Variants in ITGA7 observed in about 807,000 individuals in gnomAD.
ITGA7 encodes integrin subunit alpha 7, also known as integrin alpha-7.
Under a neutral mutation model 131.6 loss-of-function variants are expected in ITGA7, and 84 were observed. The ratio of observed to expected loss-of-function variants is 0.64; its 90% CI spans 0.54 to 0.77. The LOEUF (loss-of-function observed/expected upper bound fraction) is 0.77. ITGA7 is among the 30% of genes least tolerant of loss of function. The pLI is 0.00. For missense variants in ITGA7, 1,399 were observed against 1,482.9 expected, an observed-to-expected ratio of 0.94 and a Z score of 0.93; for synonymous variants, 548 against 600.7, an observed-to-expected ratio of 0.91 and a Z score of 1.28.
chr12:55,702,473 C>T (rs1362667735), intron 3 of ITGA7, among the ~76,000 whole-genome samples: 5 of 152,244 alleles, frequency 3.3e-5, no homozygotes, highest in Non-Finnish European at 2.9e-5. Flanking sequence ...CGGCCACGCC[C>T]GGCTAATTTT....
At chr12:55,714,959 C>A (rs980964246), upstream of ITGA7, among the ~76,000 whole-genome samples, 5 of 147,978 alleles carry the variant, frequency 3.4e-5, no homozygotes, top group Non-Finnish European at 7.4e-5. Context: ...CTCCCAGGTT[C>A]AAGCGATTCT....
At position 55,688,911 on chromosome 12, in the gene ITGA7, A is replaced by G; in HGVS notation, c.2891T>C (p.Leu964Pro). Residue 964 changes from leucine to proline, a missense_variant, in exon 22 of 25, where the codon CTC becomes CCC. By Grantham distance (98) the Leu-to-Pro change is moderately conservative. Coordinates refer to ENST00000257879, the MANE Select transcript of ITGA7 (RefSeq NM_002206.3). ...CACAGCCGCGCGGTCAAAGCTGTAG[A>G]GTGGGCAGCTGAACACCACACAGTT... is the stretch of plus-strand genomic sequence containing the variant. ...TANCVVFSCP[L>P]YSFDRAAVLH... The G allele has an allele frequency of 6.2e-7, 1 of 1,614,020 alleles. No homozygotes were observed. The highest frequency in any genetic ancestry group is 8.5e-7 in the Non-Finnish European group (1 of 1,179,982).
chr12:55,705,032 A>G (rs1874880956), intron 1 of ITGA7, among the ~76,000 whole-genome samples: 1 of 152,140 alleles, frequency 6.6e-6, no homozygotes, highest in African/African-American at 2.4e-5. Flanking sequence ...CATTTTGTGG[A>G]CTCATAGAGA....
At chr12:55,703,311 G>T in intron 1 of ITGA7, 133 bp from the exon 2 acceptor site, 1 of 1,015,734 alleles carries the variant, frequency 9.8e-7, no homozygotes, top group Non-Finnish European at 1.4e-6. Flanking sequence ...AGGGGCAAAT[G>T]TCAGTTTTCT....
At position 55,697,736 on chromosome 12, in the gene ITGA7, G is replaced by A. The variant is rs978362914; in HGVS notation, c.1368C>T (p.Asp456=). 2 of 1,614,026 alleles carry A rather than the reference G, an allele frequency of 1.2e-6. No homozygotes were observed. Among genetic ancestry groups the A allele is most frequent in the Non-Finnish European group, 1.7e-6 (2 of 1,180,012 alleles). The change falls in exon 9 of 25, where the codon GAC becomes GAT. Residue 456 remains aspartate, a synonymous_variant. Transcript: ENST00000257879. ...SLDMDGNQYP[D]LLVGSLADTA... ...TGTCAGCCAGGGAGCCCACCAGCAG[G>A]TCAGGGTATTGGTTCCCATCCATAT...
intron 24 of ITGA7, 40 bp downstream of exon 24, chr12:55,687,931 C>T (rs1168789215): frequency 6.2e-7 from 1 of 1,613,472 alleles, no homozygotes. Flanking sequence ...CTCACCCAAC[C>T]AGGAAGTCCA....
chr12:55,685,741 G>C (rs1413481754), intron 24 of ITGA7, among the ~76,000 whole-genome samples: 2 of 152,194 alleles, frequency 1.3e-5, no homozygotes, highest in Non-Finnish European at 2.9e-5. Context: ...TACCTTGGGC[G>C]GCACGCCCCT....
upstream of ITGA7, among the ~76,000 whole-genome samples, chr12:55,713,911 A>G (rs1332966438): frequency 6.6e-6 from 1 of 152,208 alleles, no homozygotes; most frequent in African/African-American, 2.4e-5. Context: ...TTCTAATGCA[A>G]TCAGCACCCA....
upstream of ITGA7, among the ~76,000 whole-genome samples, chr12:55,714,517 C>CAAAAAAAAAAAAAAAAA (rs35046301): frequency 5.8e-5 from 7 of 120,450 alleles, no homozygotes; most frequent in African/African-American, 2.9e-4. Flanking sequence ...GACTCCGTCT[C>CAAAAAAAAAAAAAAAAA]AAAAAAAAAA....
At chr12:55,707,302 G>A (rs986107223) in intron 1 of ITGA7, among the ~76,000 whole-genome samples, 175 bp downstream of exon 1, 2 of 152,288 alleles carry the variant, frequency 1.3e-5, no homozygotes, top group Non-Finnish European at 2.9e-5. Context: ...GCCGGGAAGT[G>A]CAGCTTCAGA....
chr12:55,709,305 T>G (rs1182918780), upstream of ITGA7, among the ~76,000 whole-genome samples: 1 of 152,226 alleles, frequency 6.6e-6, no homozygotes. Context: ...CTCCTTCCTC[T>G]TCCTGTGTTC....
At position 55,698,955 on chromosome 12, in the gene ITGA7, A is replaced by T; in HGVS notation, c.791-38T>A. On this transcript the variant is annotated intron_variant, in intron 5 of 24. Coordinates refer to ENST00000257879, the MANE Select transcript of ITGA7 (RefSeq NM_002206.3). ...TGACTTACCCCTAAGTCTTCACCCCAAGACTCAGAAGCTGGGGTGTGTCAC... is the reference window on the plus strand; with the variant it reads ...TGACTTACCCCTAAGTCTTCACCCCTAGACTCAGAAGCTGGGGTGTGTCAC... 3 of 1,554,424 alleles carry T rather than the reference A, an allele frequency of 1.9e-6. No individual in the cohort carries two copies. In the South Asian group the frequency reaches 3.5e-5, roughly 18 times the overall value.
chr12:55,712,073 C>G, upstream of ITGA7: 1 of 1,551,488 alleles, frequency 6.4e-7, no homozygotes. Flanking sequence ...CTCTCCAGCA[C>G]TGGAATCCTT....
At chr12:55,685,437 C>T in intron 24 of ITGA7, 149 bp from the exon 25 acceptor site, 2 of 751,268 alleles carry the variant, frequency 2.7e-6, no homozygotes, top group Middle Eastern at 3.3e-4. Flanking sequence ...GTGGGCAGCA[C>T]CCACGGTGCT....
rs751411579 is a variant in ITGA7 at position 55,688,857 on chromosome 12, C to T, written c.2945G>A (p.Ser982Asn). 1 of 1,613,482 alleles carries T rather than the reference C, an allele frequency of 6.2e-7. No homozygotes were observed. The change falls in exon 22 of 25, where the codon AGC (serine) becomes AAC (asparagine). Residue 982 changes from serine to asparagine, a missense_variant. Ser to Asn is a conservative substitution (Grantham distance 46). Coordinates refer to ENST00000257879, the MANE Select transcript of ITGA7 (RefSeq NM_002206.3). Reference sequence around the variant, plus strand: ...TGGTATCCTCACCTCCAGAAAGGTGCTGTTCCAGAGACGGCCCCAGACATG... The same window carrying T: ...TGGTATCCTCACCTCCAGAAAGGTGTTGTTCCAGAGACGGCCCCAGACATG... ...VLHVWGRLWN[S>N]TFLEEYSAVK...
upstream of ITGA7, among the ~76,000 whole-genome samples, chr12:55,714,151 C>A (rs1876327726): frequency 6.6e-6 from 1 of 152,032 alleles, no homozygotes; most frequent in African/African-American, 2.4e-5. Context: ...CCGAGGCGGG[C>A]AGATTACCTG....
chr12:55,695,788 ACTGGGTCCTCTCCT>A, intron 13 of ITGA7, 151 bp from the exon 14 acceptor site: 1 of 662,132 alleles, frequency 1.5e-6, no homozygotes, highest in South Asian at 1.7e-5. Flanking sequence ...GTGATCCTGA[ACTGGGTCCTCTCCT>A]CTGGGTCCTC....
Position 55,702,469 on chromosome 12 carries a change from C to T in ITGA7, c.414+403G>A, listed in dbSNP as rs1350043595. Among the ~76,000 whole-genome samples, 5 of 152,220 alleles carry T rather than the reference C, an allele frequency of 3.3e-5. No homozygotes were observed. The South Asian group carries it at 1.0e-3, about 32-fold the overall frequency. On this transcript the variant is annotated intron_variant, in intron 3 of 24. Coordinates refer to ENST00000257879, the MANE Select transcript of ITGA7 (RefSeq NM_002206.3). ...AAGCGTGAGCCACCGCACCCGGCCA[C>T]GCCCGGCTAATTTTTTTGTATTTTT...
At position 55,694,494 on chromosome 12, in the gene ITGA7, G is replaced by T. The variant is rs1237310401; in HGVS notation, c.2306C>A (p.Ser769Tyr). The change falls in exon 17 of 25, where the codon TCC becomes TAC. Residue 769 changes from serine to tyrosine, a missense_variant. Ser to Tyr is a moderately radical substitution (Grantham distance 144). Transcript: ENST00000257879. This position sits in a 1 kb window ranked among gnomAD's most constrained non-coding sequence, Gnocchi z 5.3. ...TTCCGTGGTCTCAATGCTGATCCCG[G>T]AGGTGCTAAGGATGAGGTAGAAGGT... Reference protein sequence around the residue: ...QVTFYLILSTSGISIETTELE... With the variant: ...QVTFYLILSTYGISIETTELE... 2 of 1,614,238 alleles carry T rather than the reference G, an allele frequency of 1.2e-6. No individual in the cohort carries two copies.
Sources: gnomAD v4.1 joint callset for allele counts (sites outside exome capture counted in the v4.1 genomes callset) on GRCh38, gnomAD v4.1.1 for gene constraint, Gnocchi (gnomAD v3.1) non-coding constraint, MANE v1.5 for transcripts, NCBI Gene and HGNC (gene_info 2026-07-23, HGNC 2026-07-21) for gene names.